ERAP1: variants seen among roughly 807,000 people sequenced by gnomAD.
ERAP1 encodes adipocyte-derived leucine aminopeptidase.
In ERAP1, 86 loss-of-function variants were observed where a neutral mutation model predicts 103.7. The ratio of observed to expected loss-of-function variants is 0.83; its 90% CI spans 0.70 to 0.99. The LOEUF is 0.99. Ranked by LOEUF, ERAP1 falls within the 50% of genes least tolerant of loss-of-function variation. ERAP1 has a pLI of 0.00. For synonymous variants in ERAP1, 398 were observed against 402.4 expected, an observed-to-expected ratio of 0.99 and a Z score of 0.13; for missense variants, 1,009 against 1,128.4, an observed-to-expected ratio of 0.89 and a Z score of 1.52.
chr5:96,822,635 G>A, the ERAP1 span, among the ~76,000 whole-genome samples: 5 of 152,118 alleles, frequency 3.3e-5, no homozygotes, highest in African/African-American at 9.7e-5. Context: ...CAGCACTTTG[G>A]GAGGCTGAGG....
At chr5:96,843,490 T>G in the ERAP1 span, among the ~76,000 whole-genome samples, 2 of 152,180 alleles carry the variant, frequency 1.3e-5, no homozygotes, top group Non-Finnish European at 2.9e-5. Flanking sequence ...AGAGGTACTT[T>G]CAGTTTTTCA....
At chr5:96,781,665 C>T (rs199510719) in intron 16 of ERAP1, 28 bp downstream of exon 16, 845 of 1,613,888 alleles carry the variant, frequency 5.2e-4, no homozygotes, top group Non-Finnish European at 6.6e-4. Context: ...CCCTTGGCCA[C>T]ATGAACATGA....
the ERAP1 span, among the ~76,000 whole-genome samples, chr5:96,829,992 G>T: frequency 7.2e-5 from 11 of 152,144 alleles, no homozygotes; most frequent in African/African-American, 2.7e-4. Context: ...GATTTTAAAA[G>T]AAACCTTATC....
chr5:96,783,964 A>G lies in ERAP1; in HGVS notation c.2060T>C (p.Met687Thr), dbSNP rs763989813. The change falls in exon 14 of 19, where the codon ATG becomes ACG. Residue 687 changes from methionine to threonine, a missense_variant. Physicochemically the swap from Met to Thr is moderately conservative, Grantham distance 81. Coordinates refer to ENST00000443439, the MANE Select transcript of ERAP1 (RefSeq NM_001040458.3). ...CACTTCATTCATATCTCTTTTCTCCATTAACTTATACATAGGAATCAGCTC... is the reference window on the plus strand; with the variant it reads ...CACTTCATTCATATCTCTTTTCTCCGTTAACTTATACATAGGAATCAGCTC... ...LNELIPMYKL[M>T]EKRDMNEVET... 6.2e-7 allele frequency: 1 copy of G among 1,613,706 alleles called. No individual in the cohort carries two copies. Among genetic ancestry groups the G allele is most frequent in the Non-Finnish European group, 8.5e-7 (1 of 1,179,896 alleles).
chr5:96,933,598 T>C, the ERAP1 span, among the ~76,000 whole-genome samples: 522 of 152,254 alleles, frequency 3.4e-3, 2 homozygotes, highest in Non-Finnish European at 6.2e-3. Context: ...AGTTGGGATA[T>C]GTAAAACAAA....
At chr5:96,930,908 A>G in the ERAP1 span, among the ~76,000 whole-genome samples, 4 of 152,182 alleles carry the variant, frequency 2.6e-5, no homozygotes, top group Admixed American at 2.6e-4. Flanking sequence ...CTGACTCCCC[A>G]AAAAGAACTA....
At chr5:96,897,357 C>G in the ERAP1 span, among the ~76,000 whole-genome samples, 2 of 152,168 alleles carry the variant, frequency 1.3e-5, no homozygotes, top group African/African-American at 4.8e-5. Flanking sequence ...TCAAATGCCA[C>G]CCAACTTTTA....
chr5:96,790,018 A>G (rs1005859435), intron 10 of ERAP1, among the ~76,000 whole-genome samples: 13 of 152,244 alleles, frequency 8.5e-5, no homozygotes, highest in African/African-American at 2.7e-4. Flanking sequence ...GTAATCTGCT[A>G]TAGAAACATG....
In ERAP1 at chr5:96,775,910, A is replaced by G. The variant is rs991233498; in HGVS notation, c.*486T>C. ...GGCCTTTACAAGTCAGCCCCTGGGC[A>G]TGGAGCAAGGAAGAGGGATGGGCAG... On this transcript the variant is annotated 3_prime_UTR_variant, in exon 19 of 19. Transcript: ENST00000443439. The G allele has an allele frequency of 1.6e-4, 153 of 981,834 alleles. No individual in the cohort carries two copies. The highest frequency in any genetic ancestry group is 1.8e-4 in the Non-Finnish European group (148 of 820,896). 60.8% of individuals were successfully genotyped at this position (981,834 alleles called of 1,614,324 possible). A position where few individuals can be genotyped will look rare whatever the true frequency, so the allele number is the denominator to read the frequency against.
chr5:96,891,471 GTA>G, the ERAP1 span, among the ~76,000 whole-genome samples: 3,242 of 101,316 alleles, frequency 0.032, 84 homozygotes, highest in Admixed American at 0.087. Context: ...ACATATACAG[GTA>G]TATATATATA....
intron 19 of ERAP1, among the ~76,000 whole-genome samples, chr5:96,766,979 T>G (rs1485955659): frequency 6.6e-6 from 1 of 152,198 alleles, no homozygotes; most frequent in Non-Finnish European, 1.5e-5. Flanking sequence ...GCTAGAGCCC[T>G]TCCCACTTTG....
intron 19 of ERAP1, among the ~76,000 whole-genome samples, chr5:96,763,808 C>T (rs1468497794): frequency 6.6e-6 from 1 of 152,152 alleles, no homozygotes; most frequent in Non-Finnish European, 1.5e-5. Flanking sequence ...AATAAAATCA[C>T]TCCAACAGGA....
At chr5:96,913,575 G>T in the ERAP1 span, 1 of 1,207,950 alleles carries the variant, frequency 8.3e-7, no homozygotes, top group Admixed American at 2.2e-5. Flanking sequence ...TATCCAAATA[G>T]TTCAGTGGAG....
intron 10 of ERAP1, among the ~76,000 whole-genome samples, chr5:96,789,736 A>C (rs1014119815): frequency 6.6e-6 from 1 of 152,256 alleles, no homozygotes; most frequent in African/African-American, 2.4e-5. Flanking sequence ...CTTAGCAGTT[A>C]AAAACATGAG....
At chr5:96,788,438 T>C (rs761649765) in intron 11 of ERAP1, 93 bp downstream of exon 11, 42 of 1,440,284 alleles carry the variant, frequency 2.9e-5, no homozygotes, top group Non-Finnish European at 4.0e-5. Context: ...ATTTTAGCAA[T>C]AGTGGTAAGG....
Position 96,784,066 on chromosome 5 carries a change from G to A in ERAP1, c.1958C>T (p.Ser653Phe). 6.2e-7 allele frequency: 1 copy of A among 1,614,068 alleles called. No individual in the cohort carries two copies. Among genetic ancestry groups the A allele is most frequent in the South Asian group, 1.1e-5 (1 of 91,086 alleles). ...AFQLVSIGKL[S>F]IEKALDLSLY... ...GGATAAATCCAAGGCCTTTTCAATG[G>A]ACAGCTTCCCAATGCTGACCAAGAG... Residue 653 changes from serine (S) to phenylalanine (F), a missense_variant, in exon 14 of 19, where the codon TCC becomes TTC. Transcript: ENST00000443439.
intron 1 of ERAP1, among the ~76,000 whole-genome samples, chr5:96,805,356 TTA>T (rs1491555150): frequency 1.2e-3 from 160 of 133,518 alleles, no homozygotes; most frequent in African/African-American, 4.7e-3. Flanking sequence ...GTTTTTTTTT[TTA>T]AAAAAAAAAA....
At chr5:96,884,541 T>G in the ERAP1 span, among the ~76,000 whole-genome samples, 1 of 139,994 alleles carries the variant, frequency 7.1e-6, no homozygotes, top group Non-Finnish European at 1.5e-5. Flanking sequence ...TTATTAATTG[T>G]GGTTATACAA....
At chr5:96,792,022 A>G in intron 8 of ERAP1, 39 bp downstream of exon 8, 1 of 1,609,640 alleles carries the variant, frequency 6.2e-7, no homozygotes, top group Non-Finnish European at 8.5e-7. Context: ...GTATAACTTT[A>G]GTATCTAAAC....
Sources: allele counts gnomAD v4.1 joint callset (sites outside exome capture counted in the v4.1 genomes callset), GRCh38; gene constraint gnomAD v4.1.1; transcripts MANE v1.5; gene names NCBI Gene and HGNC (gene_info 2026-07-23, HGNC 2026-07-21).